GMDS: variants seen among roughly 807,000 people sequenced by gnomAD.
The protein encoded by GMDS is GDP-mannose 4,6 dehydratase.
Under a neutral mutation model 49.9 loss-of-function variants are expected in GMDS, and 20 were observed. The ratio of observed to expected loss-of-function variants is 0.40; its 90% CI spans 0.28 to 0.58. The LOEUF is 0.58. GMDS is among the 20% of genes least tolerant of loss of function. The probability of loss-of-function intolerance (pLI) is 0.42; values close to 1 mark genes in which losing one functional copy is unlikely to be tolerated. For missense variants in GMDS, 362 were observed against 481.4 expected (o/e 0.75, Z 2.32); for synonymous variants, 177 against 178.6 (o/e 0.99, Z 0.07).
At chr6:2,192,986 G>A (rs1397867372) in intron 1 of GMDS, among the ~76,000 whole-genome samples, 1 of 152,246 alleles carries the variant, frequency 6.6e-6, no homozygotes, top group Non-Finnish European at 1.5e-5. Flanking sequence ...GCAGAGAAAT[G>A]TGCTAGGGCT....
intron 1 of GMDS, among the ~76,000 whole-genome samples, chr6:2,201,907 A>T (rs1460546826): frequency 7.5e-6 from 1 of 133,892 alleles, no homozygotes; most frequent in East Asian, 2.4e-4. Flanking sequence ...GTTAGCAGGG[A>T]GGTGAAGGAT....
chr6:2,146,394 G>A (rs1776561437), intron 1 of GMDS, among the ~76,000 whole-genome samples: 1 of 152,196 alleles, frequency 6.6e-6, no homozygotes. Context: ...CAAGAGGAAG[G>A]AAGACAGTCG....
chr6:1,886,647 AAAC>A lies in GMDS; in HGVS notation c.771+43453_771+43455del, dbSNP rs199518846. ...ACTGATTTTTTTAAATCAAGAATAA[AAAC>A]AATATTTATCTTATATTTATCAACA... On this transcript the variant is annotated intron_variant, in intron 7 of 10. Transcript: ENST00000380815. Among the ~76,000 whole-genome samples the A allele has an allele frequency of 5.2e-3, 799 of 152,340 alleles. 16 individuals are homozygous for A. The highest frequency in any genetic ancestry group is 0.018 in the African/African-American group (758 of 41,576).
intron 9 of GMDS, among the ~76,000 whole-genome samples, chr6:1,673,833 C>G (rs1039900185): frequency 2.6e-5 from 4 of 151,922 alleles, no homozygotes; most frequent in African/African-American, 9.7e-5. Flanking sequence ...TAGCGACATA[C>G]ATTTAAGGTT....
At chr6:2,023,222 C>T (rs1768380751) in intron 4 of GMDS, among the ~76,000 whole-genome samples, 1 of 152,220 alleles carries the variant, frequency 6.6e-6, no homozygotes, top group Non-Finnish European at 1.5e-5. Context: ...TAGATATGTA[C>T]TGTCAAATTA....
intron 4 of GMDS, among the ~76,000 whole-genome samples, chr6:1,971,285 G>C (rs896547133): frequency 4.6e-5 from 7 of 152,078 alleles, no homozygotes; most frequent in African/African-American, 1.7e-4. Flanking sequence ...TCTTCTATTT[G>C]CCTCCAGCCC....
chr6:1,924,924 C>A (rs1008489371), intron 7 of GMDS, among the ~76,000 whole-genome samples: 1 of 151,524 alleles, frequency 6.6e-6, no homozygotes, highest in Admixed American at 6.6e-5. Flanking sequence ...CACCACTGCA[C>A]TCCAGCCCGG....
chr6:2,175,361 G>T (rs1010979062), intron 1 of GMDS, among the ~76,000 whole-genome samples: 1 of 152,166 alleles, frequency 6.6e-6, no homozygotes, highest in Admixed American at 6.5e-5. Context: ...TATGGTTCCT[G>T]TCACTGTTGA....
intron 4 of GMDS, among the ~76,000 whole-genome samples, chr6:2,002,247 G>A (rs1766865179): frequency 6.6e-6 from 1 of 152,172 alleles, no homozygotes; most frequent in African/African-American, 2.4e-5. Context: ...ATGTCAGACG[G>A]TAGTGGCGAA....
chr6:1,997,964 G>A (rs1256367502), intron 4 of GMDS, among the ~76,000 whole-genome samples: 1 of 152,138 alleles, frequency 6.6e-6, no homozygotes, highest in Non-Finnish European at 1.5e-5. Flanking sequence ...CCTCTCAGAG[G>A]CAGTACAAGA....
intron 8 of GMDS, among the ~76,000 whole-genome samples, chr6:1,728,502 T>C (rs1561761631): frequency 1.3e-5 from 2 of 152,246 alleles, no homozygotes; most frequent in South Asian, 2.1e-4. Context: ...CGCTGACTTA[T>C]GTGCGCACCA....
intron 4 of GMDS, among the ~76,000 whole-genome samples, chr6:2,057,658 AATC>A (rs1454564697): frequency 6.6e-6 from 1 of 152,230 alleles, no homozygotes; most frequent in African/African-American, 2.4e-5. Flanking sequence ...GTGTCACTTT[AATC>A]ATCTGCTATA....
At chr6:1,634,430 CAA>C (rs1029712352) in intron 9 of GMDS, among the ~76,000 whole-genome samples, 6 of 152,198 alleles carry the variant, frequency 3.9e-5, no homozygotes, top group African/African-American at 1.4e-4. Context: ...CAGTAGCTCT[CAA>C]GAGGATGAGG....
At chr6:1,825,519 G>T (rs1379506406) in intron 7 of GMDS, among the ~76,000 whole-genome samples, 1 of 152,148 alleles carries the variant, frequency 6.6e-6, no homozygotes, top group Non-Finnish European at 1.5e-5. Flanking sequence ...AGGTGATTTT[G>T]TTGGGCCCAA....
At chr6:1,896,502 A>G (rs1760196943) in intron 7 of GMDS, among the ~76,000 whole-genome samples, 2 of 152,138 alleles carry the variant, frequency 1.3e-5, no homozygotes, top group African/African-American at 4.8e-5. Context: ...ACGTGGGGAA[A>G]GCATGTAAGA....
chr6:1,687,135 A>G (rs113580145), intron 9 of GMDS, among the ~76,000 whole-genome samples: 106 of 152,274 alleles, frequency 7.0e-4, no homozygotes, highest in African/African-American at 2.4e-3. Context: ...CAGGCCCCAG[A>G]GATGTCCTTA....
At chr6:1,658,994 A>C (rs2814824) in intron 9 of GMDS, among the ~76,000 whole-genome samples, 148,647 of 152,278 alleles carry the variant, frequency 0.98, 72,655 homozygotes, top group East Asian at 1. Flanking sequence ...AGGAAAAAAA[A>C]CCCAAAACAA....
intron 4 of GMDS, among the ~76,000 whole-genome samples, chr6:2,057,452 T>C (rs1770847389): frequency 6.6e-6 from 1 of 152,228 alleles, no homozygotes; most frequent in Non-Finnish European, 1.5e-5. Flanking sequence ...ACTTCTTCTT[T>C]TTCCAAGTAC....
intron 7 of GMDS, among the ~76,000 whole-genome samples, chr6:1,756,623 C>A (rs755862297): frequency 6.6e-6 from 1 of 152,130 alleles, no homozygotes; most frequent in Non-Finnish European, 1.5e-5. Flanking sequence ...CTCAAGAGGG[C>A]TCAGAGGACA....
Sources: allele counts gnomAD v4.1 joint callset (sites outside exome capture counted in the v4.1 genomes callset), GRCh38; gene constraint gnomAD v4.1.1; transcripts MANE v1.5; gene names NCBI Gene and HGNC (gene_info 2026-07-23, HGNC 2026-07-21).